PPM1L: variants seen among roughly 807,000 people sequenced by gnomAD.
The protein encoded by PPM1L is protein phosphatase, Mg2+/Mn2+ dependent 1L.
PPM1L carries 13 observed loss-of-function variants against 31.4 expected under a neutral mutation model. That is an observed-to-expected ratio of 0.41 (90% CI 0.27 to 0.66). PPM1L has a LOEUF of 0.66. Among genes scored for constraint, PPM1L ranks in the 30% least tolerant of loss-of-function variants. The probability of loss-of-function intolerance (pLI) is 0.29; values close to 1 mark genes in which losing one functional copy is unlikely to be tolerated. For missense variants in PPM1L, 326 were observed against 453.7 expected, an observed-to-expected ratio of 0.72 and a Z score of 2.56; for synonymous variants, 184 against 175.4, an observed-to-expected ratio of 1.05 and a Z score of -0.39.
chr3:160,763,604 A>G (rs1354408314), intron 1 of PPM1L, among the ~76,000 whole-genome samples: 17 of 152,200 alleles, frequency 1.1e-4, no homozygotes, highest in Admixed American at 1.0e-3. Flanking sequence ...TGCTGGAACT[A>G]TTAGCACTAT....
At chr3:161,067,159 G>C (rs1263964175) in intron 3 of PPM1L, among the ~76,000 whole-genome samples, 1 of 152,124 alleles carries the variant, frequency 6.6e-6, no homozygotes, top group African/African-American at 2.4e-5. Flanking sequence ...ACCTGCAAAT[G>C]TCATCTTACC....
At chr3:160,967,670 C>T (rs950850860) in intron 2 of PPM1L, among the ~76,000 whole-genome samples, 2 of 152,010 alleles carry the variant, frequency 1.3e-5, no homozygotes, top group Non-Finnish European at 2.9e-5. Flanking sequence ...CCCTTTCTAA[C>T]ATTAGTTTAG....
At chr3:160,845,416 G>A (rs1410446097) in intron 1 of PPM1L, among the ~76,000 whole-genome samples, 1 of 151,854 alleles carries the variant, frequency 6.6e-6, no homozygotes, top group Non-Finnish European at 1.5e-5. Flanking sequence ...TATATGATTT[G>A]CAAATGTTTT....
chr3:160,794,054 A>G (rs2108074402), intron 1 of PPM1L, among the ~76,000 whole-genome samples: 1 of 147,578 alleles, frequency 6.8e-6, no homozygotes, highest in South Asian at 2.1e-4. Flanking sequence ...AATAGAGTAC[A>G]TGACTGCTCC....
intron 2 of PPM1L, among the ~76,000 whole-genome samples, chr3:161,027,185 T>A (rs1230179193): frequency 2.0e-5 from 3 of 152,206 alleles, no homozygotes; most frequent in Non-Finnish European, 2.9e-5. Context: ...CAATTTTATG[T>A]AAAGATTGGA....
At chr3:160,789,178 G>T (rs1712024907) in intron 1 of PPM1L, among the ~76,000 whole-genome samples, 1 of 151,730 alleles carries the variant, frequency 6.6e-6, no homozygotes, top group Non-Finnish European at 1.5e-5. Context: ...TCTTCATATA[G>T]ATATTTTACA....
intron 1 of PPM1L, among the ~76,000 whole-genome samples, chr3:160,905,731 C>T (rs1344761991): frequency 6.6e-6 from 1 of 152,116 alleles, no homozygotes; most frequent in Non-Finnish European, 1.5e-5. Flanking sequence ...TGTTATCTTT[C>T]ATTAGTTCTT....
chr3:160,941,300 G>A (rs1040985620), intron 1 of PPM1L, among the ~76,000 whole-genome samples: 3 of 152,150 alleles, frequency 2.0e-5, no homozygotes, highest in African/African-American at 7.2e-5. Flanking sequence ...AGACTTTGGA[G>A]GACTGTTGGG....
At chr3:161,010,316 T>C (rs1357588201) in intron 2 of PPM1L, among the ~76,000 whole-genome samples, 4 of 152,196 alleles carry the variant, frequency 2.6e-5, no homozygotes, top group Admixed American at 2.0e-4. Flanking sequence ...TTCATGTCCC[T>C]ACAAAGGACA....
chr3:161,032,602 G>A (rs1009854196), intron 2 of PPM1L, among the ~76,000 whole-genome samples: 4 of 152,160 alleles, frequency 2.6e-5, no homozygotes, highest in South Asian at 2.1e-4. Flanking sequence ...TGGGGGTGAA[G>A]AGGGAGGAAG....
intron 1 of PPM1L, among the ~76,000 whole-genome samples, chr3:160,761,188 T>C (rs1179881255): frequency 6.6e-6 from 1 of 152,234 alleles, no homozygotes; most frequent in African/African-American, 2.4e-5. Flanking sequence ...AGTGGATGCA[T>C]GAAGCCTCTG....
At position 161,071,475 on chromosome 3, in the gene PPM1L, A is replaced by C. The variant is rs1332028168; in HGVS notation, c.*2318A>C. 1 of 152,230 alleles carries C rather than the reference A, an allele frequency of 6.6e-6. No individual in the cohort carries two copies. Among genetic ancestry groups the C allele is most frequent in the East Asian group, 1.9e-4 (1 of 5,204 alleles). 9.4% of individuals were successfully genotyped at this position (152,230 alleles called of 1,614,324 possible). On this transcript the variant is annotated 3_prime_UTR_variant, in exon 4 of 4. Coordinates refer to ENST00000498165, the MANE Select transcript of PPM1L (RefSeq NM_139245.4). ...AGATGGTGCTGAGTGCACGAGTTAC[A>C]TAACTTTCTCTCTAATTGAGGTTCA...
At chr3:160,781,066 G>C (rs1203554462) in intron 1 of PPM1L, among the ~76,000 whole-genome samples, 1 of 152,040 alleles carries the variant, frequency 6.6e-6, no homozygotes, top group African/African-American at 2.4e-5. Context: ...TTCTATGGAA[G>C]TACACATATT....
chr3:160,923,067 G>T (rs1714467864), intron 1 of PPM1L, among the ~76,000 whole-genome samples: 1 of 152,164 alleles, frequency 6.6e-6, no homozygotes, highest in African/African-American at 2.4e-5. Flanking sequence ...ATTATTACTA[G>T]CAATGTAGCT....
At chr3:160,977,725 A>C (rs575015338) in intron 2 of PPM1L, among the ~76,000 whole-genome samples, 3 of 152,336 alleles carry the variant, frequency 2.0e-5, no homozygotes, top group Admixed American at 2.0e-4. Flanking sequence ...ACGAAAGCAA[A>C]TGTACTATCC....
intron 1 of PPM1L, among the ~76,000 whole-genome samples, chr3:160,834,788 TTC>T (rs934241479): frequency 2.6e-5 from 4 of 152,208 alleles, no homozygotes; most frequent in African/African-American, 9.6e-5. Flanking sequence ...CCGTGTAGTA[TTC>T]CATTGTATGA....
At chr3:160,781,225 G>A (rs1386153069) in intron 1 of PPM1L, among the ~76,000 whole-genome samples, 3 of 152,104 alleles carry the variant, frequency 2.0e-5, no homozygotes, top group Non-Finnish European at 2.9e-5. Context: ...GTGATAGAGC[G>A]ACTCATGGCT....
At chr3:160,817,251 GT>G (rs961549580) in intron 1 of PPM1L, among the ~76,000 whole-genome samples, 13 of 152,032 alleles carry the variant, frequency 8.6e-5, no homozygotes, top group African/African-American at 2.9e-4. Flanking sequence ...AGACCAAGTA[GT>G]TTGAGGAATC....
At chr3:160,993,251 T>G (rs538640189) in intron 2 of PPM1L, among the ~76,000 whole-genome samples, 1 of 152,310 alleles carries the variant, frequency 6.6e-6, no homozygotes, top group East Asian at 1.9e-4. Context: ...CTGCAGGGTA[T>G]GGCAGTCTGA....
Sources: allele counts gnomAD v4.1 joint callset (sites outside exome capture counted in the v4.1 genomes callset), GRCh38; gene constraint gnomAD v4.1.1; transcripts MANE v1.5; gene names NCBI Gene and HGNC (gene_info 2026-07-23, HGNC 2026-07-21).